COL28A1: variants seen among roughly 807,000 people sequenced by gnomAD.
The protein encoded by COL28A1 is collagen alpha-1(XXVIII) chain.
A neutral mutation model predicts 150.2 loss-of-function variants in COL28A1; 161 were observed. The observed-to-expected ratio is 1.07, with a 90% confidence interval of 0.94 to 1.22. The LOEUF (loss-of-function observed/expected upper bound fraction) is 1.22, where lower values mean the gene tolerates loss of function less well. Among genes scored for constraint, COL28A1 ranks in the 50% most tolerant of loss-of-function variants. COL28A1 has a pLI of 0.00. For synonymous variants in COL28A1, 552 were observed against 469.7 expected (o/e 1.18, Z -2.26); for missense variants, 1,617 against 1,388.3 (o/e 1.16, Z -2.62).
At position 7,373,307 on chromosome 7, in the gene COL28A1, T is replaced by C. The variant is rs1274261320; in HGVS notation, c.2599A>G (p.Asn867Asp). The change falls in exon 32 of 35, where the codon AAC (asparagine) becomes GAC (aspartate). Residue 867 changes from asparagine (N) to aspartate (D), a missense_variant. By Grantham distance (23) the Asn-to-Asp change is conservative (BLOSUM62 1). Coordinates refer to ENST00000399429, the MANE Select transcript of COL28A1 (RefSeq NM_001037763.3). This position sits in a 1 kb window ranked among gnomAD's most constrained non-coding sequence, Gnocchi z 4.1. Reference protein sequence around the residue: ...SKDDFKLAVDNMQYLGEGTYT... With the variant: ...SKDDFKLAVDDMQYLGEGTYT... ...GTGCCTTCCCCCAGATACTGCATGT[T>C]GTCCACAGCCAACTTGAAGTCATCC... 10 of 1,614,068 alleles carry C rather than the reference T, an allele frequency of 6.2e-6. No individual in the cohort carries two copies. Among genetic ancestry groups the C allele is most frequent in the Non-Finnish European group, 8.5e-6 (10 of 1,180,036 alleles).
chr7:7,511,120 A>G lies in COL28A1; in HGVS notation c.898T>C (p.Cys300Arg), dbSNP rs748555766. 5 of 1,612,876 alleles carry G rather than the reference A, an allele frequency of 3.1e-6. No individual in the cohort carries two copies. Among genetic ancestry groups the G allele is most frequent in the South Asian group, 1.1e-5 (1 of 91,034 alleles). The change falls in exon 9 of 35, where the codon TGT becomes CGT. Residue 300 changes from cysteine (C) to arginine (R), a missense_variant. Physicochemically the swap from Cys to Arg is radical, Grantham distance 180 (BLOSUM62 -3). Coordinates refer to ENST00000399429, the MANE Select transcript of COL28A1 (RefSeq NM_001037763.3). Reference protein sequence around the residue: ...YKGDKGERGECGKPGIKGDKG... With the variant: ...YKGDKGERGERGKPGIKGDKG... Reference sequence around the variant, plus strand: ...TCACCTTTTATCCCTGGTTTACCACATTCCCCACGTTCACCCTAAAAAATA... The same window carrying G: ...TCACCTTTTATCCCTGGTTTACCACGTTCCCCACGTTCACCCTAAAAAATA...
At chr7:7,495,088 AT>A (rs1780133040) in intron 11 of COL28A1, among the ~76,000 whole-genome samples, 1 of 152,222 alleles carries the variant, frequency 6.6e-6, no homozygotes, top group African/African-American at 2.4e-5. Flanking sequence ...CACATTTGTA[AT>A]TTTAAATTCT....
At chr7:7,513,910 G>T (rs1169079583) in intron 8 of COL28A1, among the ~76,000 whole-genome samples, 1 of 152,172 alleles carries the variant, frequency 6.6e-6, no homozygotes, top group Non-Finnish European at 1.5e-5. Context: ...CAACTACATG[G>T]TTTCAGAAAG....
At chr7:7,474,819 T>A (rs1232460555) in intron 14 of COL28A1, 150 bp from the exon 15 acceptor site, 14 of 591,274 alleles carry the variant, frequency 2.4e-5, no homozygotes, top group Non-Finnish European at 4.2e-5. Context: ...TAATTCTAAT[T>A]GACTCTGAGA....
chr7:7,465,257 C>T (rs539416817), intron 15 of COL28A1, among the ~76,000 whole-genome samples: 6 of 58,094 alleles, frequency 1.0e-4, no homozygotes, highest in African/African-American at 2.2e-4. Flanking sequence ...GCGCACCGTG[C>T]GCGAGCCGAA....
intron 13 of COL28A1, among the ~76,000 whole-genome samples, chr7:7,486,351 T>G (rs1779623342): frequency 6.6e-6 from 1 of 152,180 alleles, no homozygotes; most frequent in African/African-American, 2.4e-5. Context: ...ATAGATTTCT[T>G]GGGGTTTTCT....
At position 7,489,347 on chromosome 7, in the gene COL28A1, A is replaced by G. The variant is rs1268063624; in HGVS notation, c.1164+42T>C. The G allele has an allele frequency of 1.1e-5, 10 of 881,542 alleles. 1 individual carries two copies. The highest frequency in any genetic ancestry group is 5.1e-5 in the Admixed American group (3 of 59,004). The allele number at this position is 881,542 out of a possible 1,614,324, so 54.6% of individuals were successfully genotyped here. On this transcript the variant is annotated intron_variant, in intron 13 of 34. Coordinates refer to ENST00000399429, the MANE Select transcript of COL28A1 (RefSeq NM_001037763.3). The stretch of plus-strand genomic sequence containing the variant: ...TAAACAGAAAGAACAAGTAAAAACT[A>G]TATTTGTCCTTTTCATTCCATCTAG...
the COL28A1 span, among the ~76,000 whole-genome samples, chr7:7,342,164 C>A: frequency 1.3e-5 from 2 of 152,072 alleles, no homozygotes; most frequent in Non-Finnish European, 2.9e-5. Context: ...CTTGGTGAAT[C>A]AAGACTTTTA....
At chr7:7,409,065 T>C (rs1015571374) in intron 27 of COL28A1, among the ~76,000 whole-genome samples, 1 of 152,100 alleles carries the variant, frequency 6.6e-6, no homozygotes, top group Non-Finnish European at 1.5e-5. Flanking sequence ...GAGGCTTGAA[T>C]AAAATAATAC....
chr7:7,437,233 G>C (rs1785407895), intron 22 of COL28A1, among the ~76,000 whole-genome samples, 161 bp downstream of exon 22: 1 of 152,124 alleles, frequency 6.6e-6, no homozygotes, highest in African/African-American at 2.4e-5. Flanking sequence ...TCTTAACTCT[G>C]CTGCTGGCTG....
chr7:7,474,243 G>T, intron 15 of COL28A1, among the ~76,000 whole-genome samples: 1 of 151,800 alleles, frequency 6.6e-6, no homozygotes, highest in East Asian at 1.9e-4. Flanking sequence ...TAAGTTATGA[G>T]GACGCAAAGG....
intron 15 of COL28A1, among the ~76,000 whole-genome samples, chr7:7,458,105 A>G (rs547787539): frequency 7.9e-5 from 12 of 152,360 alleles, no homozygotes; most frequent in African/African-American, 2.6e-4. Flanking sequence ...AGCTAAATAA[A>G]TATGTTTTTA....
At position 7,432,699 on chromosome 7, in the gene COL28A1, C is replaced by A. The variant is rs200397395; in HGVS notation, c.1862G>T (p.Gly621Val). Reference sequence around the variant, plus strand: ...CACTGGTCCCCGAGGGCCTTGGACACCCTGGGTAAATTCCAACATCAGTGA... The same window carrying A: ...CACTGGTCCCCGAGGGCCTTGGACAACCTGGGTAAATTCCAACATCAGTGA... ...EPGLSIRGPK[G>V]VQGPRGPVGA... Residue 621 changes from glycine (G) to valine (V), a missense_variant and splice_region_variant, in exon 24 of 35, where the codon GGT becomes GTT. By Grantham distance (109) the Gly-to-Val change is moderately radical. Coordinates refer to ENST00000399429, the MANE Select transcript of COL28A1 (RefSeq NM_001037763.3). The A allele has an allele frequency of 1.9e-6, 3 of 1,612,992 alleles. No homozygotes were observed. Among genetic ancestry groups the A allele is most frequent in the Non-Finnish European group, 2.5e-6 (3 of 1,179,598 alleles).
At chr7:7,491,365 T>C (rs893048204) in intron 11 of COL28A1, among the ~76,000 whole-genome samples, 1 of 152,178 alleles carries the variant, frequency 6.6e-6, no homozygotes, top group Admixed American at 6.5e-5. Flanking sequence ...TACATAGAGA[T>C]GTGATAACTG....
intron 15 of COL28A1, among the ~76,000 whole-genome samples, chr7:7,458,664 A>G (rs563776915): frequency 6.6e-6 from 1 of 152,258 alleles, no homozygotes; most frequent in South Asian, 2.1e-4. Context: ...TTTCTTATGC[A>G]TCAGATATTG....
At chr7:7,492,336 G>A (rs1779959960) in intron 11 of COL28A1, among the ~76,000 whole-genome samples, 1 of 151,778 alleles carries the variant, frequency 6.6e-6, no homozygotes, top group African/African-American at 2.4e-5. Flanking sequence ...CACTTTGGGA[G>A]GCCGAGGCAG....
At chr7:7,498,384 C>T (rs1302079865) in intron 11 of COL28A1, among the ~76,000 whole-genome samples, 3 of 152,024 alleles carry the variant, frequency 2.0e-5, no homozygotes, top group Admixed American at 6.6e-5. Context: ...AAAAACAAGG[C>T]CACTGATTTA....
chr7:7,381,649 TC>T lies in COL28A1; in HGVS notation c.2137-38del, dbSNP rs532246400. On this transcript the variant is annotated intron_variant, in intron 27 of 34. Coordinates refer to ENST00000399429, the MANE Select transcript of COL28A1 (RefSeq NM_001037763.3). Reference sequence around the variant, plus strand: ...ATGAGAAAGAGATGTTCTATTAATTTCCCAGGATAGCTTGGCTATTCTTTGG... The same window carrying T: ...ATGAGAAAGAGATGTTCTATTAATTTCCAGGATAGCTTGGCTATTCTTTGG... The T allele has an allele frequency of 2.4e-4, 370 of 1,510,302 alleles. No homozygotes were observed. The East Asian group carries it at 8.3e-3, about 34-fold the overall frequency. The allele number at this position is 1,510,302 out of a possible 1,614,324, so 93.6% of individuals were successfully genotyped here. A position where few individuals can be genotyped will look rare whatever the true frequency, so the allele number is the denominator to read the frequency against.
At chr7:7,440,719 A>G in intron 21 of COL28A1, 71 bp downstream of exon 21, 1 of 647,432 alleles carries the variant, frequency 1.5e-6, no homozygotes, top group East Asian at 2.6e-5. Flanking sequence ...TTCAGTGGAA[A>G]TTTAATACTA....
Sources: allele counts gnomAD v4.1 joint callset (sites outside exome capture counted in the v4.1 genomes callset), GRCh38; gene constraint gnomAD v4.1.1; non-coding constraint Gnocchi (gnomAD v3.1); transcripts MANE v1.5; gene names NCBI Gene and HGNC (gene_info 2026-07-23, HGNC 2026-07-21).